Variants in CEP192 observed in about 807,000 individuals in gnomAD.
CEP192 encodes the protein centrosomal protein of 192 kDa.
CEP192 carries 151 observed loss-of-function variants against 271.8 expected under a neutral mutation model. The ratio of observed to expected loss-of-function variants is 0.56; its 90% confidence interval spans 0.49 to 0.64. The LOEUF (loss-of-function observed/expected upper bound fraction) is 0.64, where lower values mean the gene tolerates loss of function less well. Ranked by LOEUF, CEP192 falls within the 30% of genes least tolerant of loss-of-function variation. The pLI, the probability that CEP192 is intolerant of heterozygous loss-of-function variation, is 0.00. For missense variants in CEP192, 2,910 were observed against 3,020.5 expected (o/e 0.96, Z 0.86); for synonymous variants, 995 against 1,076.5 (o/e 0.92, Z 1.48).
Position 13,124,884 on chromosome 18 carries a change from T to G in CEP192, c.*114T>G, listed in dbSNP as rs1466369984. The stretch of plus-strand genomic sequence containing the variant: ...TATTTTGTATGATGGATATCTATAA[T>G]TGTAGATTTTGTTTTTACAAGCTAA... On this transcript the variant is annotated 3_prime_UTR_variant, in exon 45 of 45. Coordinates refer to ENST00000506447, the MANE Select transcript of CEP192 (RefSeq NM_032142.4). The G allele has an allele frequency of 2.3e-6, 2 of 883,772 alleles. No individual in the cohort carries two copies. Among genetic ancestry groups the G allele is most frequent in the Non-Finnish European group, 3.4e-6 (2 of 596,376 alleles). The allele number at this position is 883,772 out of a possible 1,614,324, so 54.7% of individuals were successfully genotyped here. A position where few individuals can be genotyped will look rare whatever the true frequency, so the allele number is the denominator to read the frequency against.
chr18:13,064,288 A>G (rs893447018), intron 21 of CEP192, among the ~76,000 whole-genome samples: 1 of 151,100 alleles, frequency 6.6e-6, no homozygotes, highest in Non-Finnish European at 1.5e-5. Context: ...TCTTTTCCCA[A>G]GTGTATGTTC....
intron 1 of CEP192, among the ~76,000 whole-genome samples, chr18:12,999,125 G>A (rs2033447201): frequency 6.6e-6 from 1 of 152,056 alleles, no homozygotes; most frequent in African/African-American, 2.4e-5. Flanking sequence ...TAAGTTTGTA[G>A]TAATTCATTT....
intron 24 of CEP192, among the ~76,000 whole-genome samples, 191 bp downstream of exon 24, chr18:13,068,613 A>G (rs985656023): frequency 1.1e-4 from 16 of 152,230 alleles, no homozygotes; most frequent in Non-Finnish European, 7.3e-5. Flanking sequence ...ACTCCTGCAG[A>G]TAGCACTGAA....
chr18:13,018,713 T>A, intron 8 of CEP192, 98 bp downstream of exon 8: 1 of 846,556 alleles, frequency 1.2e-6, no homozygotes, highest in Non-Finnish European at 1.7e-6. Flanking sequence ...TAGCATATAT[T>A]AACTCTTCTA....
chr18:13,092,843 G>A (rs2039212427), intron 34 of CEP192, among the ~76,000 whole-genome samples: 1 of 151,958 alleles, frequency 6.6e-6, no homozygotes, highest in Non-Finnish European at 1.5e-5. Context: ...TAACCAATTA[G>A]CCCTAAATTT....
At chr18:13,101,789 T>G (rs1398103690) in intron 38 of CEP192, among the ~76,000 whole-genome samples, 1 of 152,096 alleles carries the variant, frequency 6.6e-6, no homozygotes, top group African/African-American at 2.4e-5. Flanking sequence ...CTCACAGCAG[T>G]TCTCTGGCCT....
chr18:13,051,661 A>G (rs1160809076), intron 17 of CEP192, among the ~76,000 whole-genome samples: 1 of 152,072 alleles, frequency 6.6e-6, no homozygotes, highest in African/African-American at 2.4e-5. Context: ...CTCCTGCCTC[A>G]TCCTCCCGAG....
At position 13,049,116 on chromosome 18, in the gene CEP192, A is replaced by T. The variant is rs757663286; in HGVS notation, c.2325A>T (p.Gly775=). 2 of 1,613,884 alleles carry T rather than the reference A, an allele frequency of 1.2e-6. No individual in the cohort carries two copies. The highest frequency in any genetic ancestry group is 1.7e-5 in the Admixed American group (1 of 59,990). Residue 775 remains glycine, a synonymous_variant, in exon 16 of 45, where the codon GGA becomes GGT. Transcript: ENST00000506447. ...FLPNDLEKSN[G]SNALDMEKYL... is the part of the protein sequence containing the mutation. ...CTAATGATTTAGAAAAAAGTAATGG[A>T]TCCAATGCACTTGATATGGAGAAAT...
intron 8 of CEP192, 71 bp from the exon 9 acceptor site, chr18:13,019,011 A>C (rs1452987167): frequency 6.5e-6 from 9 of 1,376,554 alleles, no homozygotes. Context: ...TTTGACTGGC[A>C]AGAATCAGTT....
At chr18:13,014,705 A>G (rs1287904290) in intron 5 of CEP192, among the ~76,000 whole-genome samples, 1 of 152,178 alleles carries the variant, frequency 6.6e-6, no homozygotes, top group African/African-American at 2.4e-5. Flanking sequence ...TGTCCTCTCT[A>G]AATGTAAAAT....
At chr18:13,043,399 A>T (rs373512520) in intron 15 of CEP192, among the ~76,000 whole-genome samples, 1 of 152,114 alleles carries the variant, frequency 6.6e-6, no homozygotes, top group Non-Finnish European at 1.5e-5. Context: ...TAATGTGCTA[A>T]CTTTGTCATA....
In CEP192 at chr18:13,113,592, A is replaced by G. The variant is rs1232991780; in HGVS notation, c.7054A>G (p.Ile2352Val). Residue 2352 changes from isoleucine to valine, a missense_variant, in exon 41 of 45, where the codon ATC becomes GTC. Coordinates refer to ENST00000506447, the MANE Select transcript of CEP192 (RefSeq NM_032142.4). Reference sequence around the variant, plus strand: ...TTCTGTATGTATTTCGTAGGTCTCCATCACATTTTTGCCCAGAGGTAGGGG... The same window carrying G: ...TTCTGTATGTATTTCGTAGGTCTCCGTCACATTTTTGCCCAGAGGTAGGGG... ...LESHGIQKVSITFLPRGRGDY... is the reference protein window; with the variant it reads ...LESHGIQKVSVTFLPRGRGDY... 2 of 1,613,384 alleles carry G rather than the reference A, an allele frequency of 1.2e-6. No homozygotes were observed. Among genetic ancestry groups the G allele is most frequent in the African/African-American group, 1.3e-5 (1 of 74,916 alleles).
intron 9 of CEP192, chr18:13,024,210 A>G: frequency 2.5e-6 from 1 of 407,380 alleles, no homozygotes. Context: ...ATGTCTTCCT[A>G]GAGAATTGAT....
At chr18:13,057,839 G>A (rs2037196422) in intron 20 of CEP192, 106 bp downstream of exon 20, 3 of 995,266 alleles carry the variant, frequency 3.0e-6, no homozygotes, top group Non-Finnish European at 4.5e-6. Context: ...CTTTATTAAT[G>A]CACACAGTCA....
chr18:13,031,745 A>G (rs2035645707), intron 11 of CEP192, among the ~76,000 whole-genome samples: 1 of 152,106 alleles, frequency 6.6e-6, no homozygotes, highest in African/African-American at 2.4e-5. Flanking sequence ...ATCATGAGAA[A>G]CTCAAACCAA....
At chr18:12,999,265 T>C (rs1267405747) in intron 1 of CEP192, among the ~76,000 whole-genome samples, 156 bp from the exon 2 acceptor site, 1 of 152,252 alleles carries the variant, frequency 6.6e-6, no homozygotes, top group African/African-American at 2.4e-5. Context: ...TTCTGAGATT[T>C]ATTTTACCTC....
chr18:13,057,667 T>C lies in CEP192; in HGVS notation c.4191T>C (p.Leu1397=), dbSNP rs1259701512. 4 of 1,614,180 alleles carry C rather than the reference T, an allele frequency of 2.5e-6. No individual in the cohort carries two copies. Among genetic ancestry groups the C allele is most frequent in the Non-Finnish European group, 3.4e-6 (4 of 1,179,996 alleles). ...GIASQTLLSV[L]NPTDRWLQVS... The stretch of plus-strand genomic sequence containing the variant: ...CTTCCCAGACCCTCCTCAGTGTGCT[T>C]AATCCAACTGACCGCTGGCTGCAAG... Residue 1397 remains leucine (L), a synonymous_variant, in exon 20 of 45, where the codon CTT becomes CTC. Coordinates refer to ENST00000506447, the MANE Select transcript of CEP192 (RefSeq NM_032142.4).
chr18:12,998,167 T>C (rs1361845423), intron 1 of CEP192, among the ~76,000 whole-genome samples: 1 of 152,232 alleles, frequency 6.6e-6, no homozygotes, highest in African/African-American at 2.4e-5. Context: ...GCTCTTTGAA[T>C]AGTCTTCCAG....
chr18:13,101,935 G>A (rs1266800195), intron 38 of CEP192, among the ~76,000 whole-genome samples: 1 of 152,012 alleles, frequency 6.6e-6, no homozygotes, highest in African/African-American at 2.4e-5. Flanking sequence ...CATGACTGCC[G>A]GGTGTTCCTC....
Sources: allele counts gnomAD v4.1 joint callset (sites outside exome capture counted in the v4.1 genomes callset), GRCh38; gene constraint gnomAD v4.1.1; transcripts MANE v1.5; gene names NCBI Gene and HGNC (gene_info 2026-07-23, HGNC 2026-07-21).